Variants in KLHL6 observed in about 807,000 individuals in gnomAD.
KLHL6 encodes kelch like family member 6.
A neutral mutation model predicts 58.6 loss-of-function variants in KLHL6; 41 were observed. That is an observed-to-expected ratio of 0.70 (90% confidence interval 0.55 to 0.91). The LOEUF is 0.91. KLHL6 is among the 40% of genes least tolerant of loss of function. The pLI, the probability that KLHL6 is intolerant of heterozygous loss-of-function variation, is 0.00. For synonymous variants in KLHL6, 338 were observed against 322.7 expected, an observed-to-expected ratio of 1.05 and a Z score of -0.51; for missense variants, 714 against 805.6, an observed-to-expected ratio of 0.89 and a Z score of 1.38.
chr3:183,534,919 T>A (rs994269696), intron 1 of KLHL6, among the ~76,000 whole-genome samples: 1 of 144,932 alleles, frequency 6.9e-6, no homozygotes, highest in African/African-American at 2.5e-5. Context: ...TGTATATATG[T>A]ATGCATATAT....
chr3:183,546,910 T>TC (rs1712738218), intron 1 of KLHL6, among the ~76,000 whole-genome samples: 1 of 73,942 alleles, frequency 1.4e-5, no homozygotes, highest in African/African-American at 4.8e-5. Context: ...GTGCCATAAG[T>TC]CTTTTTTTTT....
At chr3:183,537,750 C>T (rs1712411701) in intron 1 of KLHL6, among the ~76,000 whole-genome samples, 1 of 152,188 alleles carries the variant, frequency 6.6e-6, no homozygotes, top group Non-Finnish European at 1.5e-5. Context: ...CCAAACATCG[C>T]CTTCTCAGAG....
intron 2 of KLHL6, among the ~76,000 whole-genome samples, chr3:183,512,484 G>A (rs963865892): frequency 4.6e-5 from 7 of 151,776 alleles, no homozygotes; most frequent in Admixed American, 1.3e-4. Flanking sequence ...ATCATATTAT[G>A]TACATTATGA....
intron 2 of KLHL6, among the ~76,000 whole-genome samples, chr3:183,516,205 C>T (rs1577187532): frequency 6.6e-6 from 1 of 152,184 alleles, no homozygotes; most frequent in South Asian, 2.1e-4. Flanking sequence ...TCAATAAACA[C>T]TTTTAGTGTG....
intron 3 of KLHL6, among the ~76,000 whole-genome samples, chr3:183,504,717 G>A (rs1420636116): frequency 6.6e-6 from 1 of 152,072 alleles, no homozygotes; most frequent in Non-Finnish European, 1.5e-5. Context: ...TAACTTTTAG[G>A]TTCAGCATGT....
Position 183,514,146 on chromosome 3 carries a change from C to T in KLHL6, c.460-5638G>A, listed in dbSNP as rs112417359. 2.4e-4 allele frequency among the ~76,000 whole-genome samples: 36 copies of T among 152,190 alleles called. 1 individual carries two copies. The highest frequency in any genetic ancestry group is 6.5e-5 in the Admixed American group (1 of 15,280). On this transcript the variant is annotated intron_variant, in intron 2 of 6. Transcript: ENST00000341319. Reference sequence around the variant, plus strand: ...GAGGTGAGCAGAGACAAAGCGCCTGCGCTCATTGAAGCCGACAGACCAGTG... The same window carrying T: ...GAGGTGAGCAGAGACAAAGCGCCTGTGCTCATTGAAGCCGACAGACCAGTG...
At position 183,487,708 on chromosome 3, in the gene KLHL6, C is replaced by T. The variant is rs1717440503; in HGVS notation, c.*4219G>A. On this transcript the variant is annotated 3_prime_UTR_variant, in exon 7 of 7. Transcript: ENST00000341319. ...TTCACTGAGTGTTGGCTATTTATACCTATACATATGAAAATCTGACCTGTC... is the reference window on the plus strand; with the variant it reads ...TTCACTGAGTGTTGGCTATTTATACTTATACATATGAAAATCTGACCTGTC... The T allele has an allele frequency of 6.6e-6, 1 of 152,080 alleles. No individual in the cohort carries two copies. The highest frequency in any genetic ancestry group is 1.5e-5 in the Non-Finnish European group (1 of 68,024). 9.4% of individuals were successfully genotyped at this position (152,080 alleles called of 1,614,324 possible).
intron 1 of KLHL6, among the ~76,000 whole-genome samples, chr3:183,537,247 A>G (rs1420605038): frequency 6.6e-6 from 1 of 152,150 alleles, no homozygotes; most frequent in African/African-American, 2.4e-5. Context: ...CTAGGGCTTC[A>G]GGCTCTGAAT....
chr3:183,509,459 G>A (rs920034078), intron 2 of KLHL6, among the ~76,000 whole-genome samples: 1 of 152,232 alleles, frequency 6.6e-6, no homozygotes, highest in Non-Finnish European at 1.5e-5. Context: ...ATGAAAGGAT[G>A]TAGGTCAAAA....
chr3:183,552,634 C>G (rs1055490045), intron 1 of KLHL6, among the ~76,000 whole-genome samples: 1 of 150,192 alleles, frequency 6.7e-6, no homozygotes, highest in African/African-American at 2.5e-5. Flanking sequence ...AGGAGAATGG[C>G]CTGAACCCTG....
At chr3:183,519,501 C>T (rs1679474233) in intron 2 of KLHL6, among the ~76,000 whole-genome samples, 1 of 152,104 alleles carries the variant, frequency 6.6e-6, no homozygotes, top group African/African-American at 2.4e-5. Context: ...AACCCGAATC[C>T]TGAATTGATT....
chr3:183,533,233 C>T (rs1164462131), intron 1 of KLHL6, among the ~76,000 whole-genome samples: 1 of 152,160 alleles, frequency 6.6e-6, no homozygotes, highest in Non-Finnish European at 1.5e-5. Flanking sequence ...CTATTTATCT[C>T]TGGAAATCAA....
In KLHL6 at chr3:183,555,602, T is replaced by C; in HGVS notation, c.52A>G (p.Lys18Glu). 3.1e-6 allele frequency: 5 copies of C among 1,613,364 alleles called. No individual in the cohort carries two copies. The highest frequency in any genetic ancestry group is 4.2e-6 in the Non-Finnish European group (5 of 1,179,786). ...GAWTMGDVVE[K>E]SLEGPLAPST... ...GGTGCCAGGGGCCCTTCCAAACTCT[T>C]CTCGACCACATCACCCATGGTCCAG... The change falls in exon 1 of 7, where the codon AAG becomes GAG. Residue 18 changes from lysine (K) to glutamate (E), a missense_variant. Lys to Glu is a moderately conservative substitution (Grantham distance 56). Transcript: ENST00000341319.
At chr3:183,544,798 A>ACACACACG (rs1712667276) in intron 1 of KLHL6, 1 of 149,256 alleles carries the variant, frequency 6.7e-6, no homozygotes, top group Non-Finnish European at 1.5e-5. Context: ...ACACACACAC[A>ACACACACG]CGCACAGCTC....
intron 3 of KLHL6, among the ~76,000 whole-genome samples, chr3:183,506,214 C>G (rs1717996381): frequency 6.6e-6 from 1 of 152,178 alleles, no homozygotes; most frequent in African/African-American, 2.4e-5. Context: ...TTCCTCTCCA[C>G]TAAATTTGTT....
chr3:183,494,319 G>A (rs1044096052), intron 4 of KLHL6, 38 bp from the exon 5 acceptor site: 7 of 1,533,896 alleles, frequency 4.6e-6, no homozygotes, highest in Non-Finnish European at 6.3e-6. Flanking sequence ...ACCATCAGAT[G>A]TGTCAGAAAT....
At chr3:183,538,427 C>CT (rs1712435542) in intron 1 of KLHL6, among the ~76,000 whole-genome samples, 1 of 152,176 alleles carries the variant, frequency 6.6e-6, no homozygotes, top group African/African-American at 2.4e-5. Flanking sequence ...CTTATTTCTT[C>CT]ACCATTCCCC....
chr3:183,498,463 T>A (rs568663384), intron 4 of KLHL6, among the ~76,000 whole-genome samples: 77 of 152,230 alleles, frequency 5.1e-4, no homozygotes, highest in African/African-American at 1.8e-3. Flanking sequence ...TGGCTTTTGA[T>A]GTGATGGGGA....
intron 1 of KLHL6, among the ~76,000 whole-genome samples, chr3:183,534,944 A>AT (rs1443620974): frequency 2.6e-4 from 30 of 113,258 alleles, no homozygotes; most frequent in African/African-American, 1.2e-3. Flanking sequence ...ATATATATAT[A>AT]TATATATTTT....
Sources: allele counts gnomAD v4.1 joint callset (sites outside exome capture counted in the v4.1 genomes callset), GRCh38; gene constraint gnomAD v4.1.1; transcripts MANE v1.5; gene names NCBI Gene and HGNC (gene_info 2026-07-23, HGNC 2026-07-21).